EPB41L4A: variants seen among roughly 807,000 people sequenced by gnomAD.
EPB41L4A encodes the protein band 4.1-like protein 4A.
In EPB41L4A, 100 loss-of-function variants were observed where a neutral mutation model predicts 108.6. That is an observed-to-expected ratio of 0.92 (90% CI 0.78 to 1.09). The LOEUF (loss-of-function observed/expected upper bound fraction) is 1.09. EPB41L4A is among the 50% of genes least tolerant of loss of function. The probability of loss-of-function intolerance (pLI) is 0.00; values close to 1 mark genes in which losing one functional copy is unlikely to be tolerated. For missense variants in EPB41L4A, 1,030 were observed against 842.7 expected, an observed-to-expected ratio of 1.22 and a Z score of -2.75; for synonymous variants, 319 against 289.0, an observed-to-expected ratio of 1.10 and a Z score of -1.05.
At chr5:112,315,193 T>C (rs1466855906) in intron 1 of EPB41L4A, among the ~76,000 whole-genome samples, 1 of 152,128 alleles carries the variant, frequency 6.6e-6, no homozygotes, top group Non-Finnish European at 1.5e-5. Context: ...GTCCAAATCC[T>C]CTCAATCTCA....
intron 1 of EPB41L4A, among the ~76,000 whole-genome samples, chr5:112,364,076 G>A (rs1327785984): frequency 6.6e-6 from 1 of 152,186 alleles, no homozygotes; most frequent in African/African-American, 2.4e-5. Flanking sequence ...TGCCCAGGCT[G>A]GAGTGCAGTG....
intron 1 of EPB41L4A, among the ~76,000 whole-genome samples, chr5:112,409,188 T>C (rs927081688): frequency 7.9e-5 from 12 of 152,196 alleles, no homozygotes; most frequent in African/African-American, 2.9e-4. Context: ...ACATTGTGAA[T>C]GAATCTTGAA....
intron 12 of EPB41L4A, among the ~76,000 whole-genome samples, chr5:112,210,888 A>G (rs1194791434): frequency 6.6e-6 from 1 of 151,834 alleles, no homozygotes; most frequent in Non-Finnish European, 1.5e-5. Context: ...CCTCGGAGCT[A>G]CTCCTGCAGG....
intron 1 of EPB41L4A, among the ~76,000 whole-genome samples, chr5:112,331,365 G>A (rs1264079026): frequency 6.6e-6 from 1 of 152,162 alleles, no homozygotes; most frequent in Non-Finnish European, 1.5e-5. Flanking sequence ...GAGAAGTGTT[G>A]ACCATGCTAT....
chr5:112,356,083 T>C (rs746376362), intron 1 of EPB41L4A, among the ~76,000 whole-genome samples: 1 of 152,168 alleles, frequency 6.6e-6, no homozygotes, highest in Non-Finnish European at 1.5e-5. Flanking sequence ...TTATGTTAAA[T>C]TTTGGAAGGG....
At chr5:112,159,829 TATTG>T (rs984832500), downstream of EPB41L4A, among the ~76,000 whole-genome samples, 3 of 152,134 alleles carry the variant, frequency 2.0e-5, no homozygotes, top group Admixed American at 6.5e-5. Flanking sequence ...AATAATCTCA[TATTG>T]ATTGCCTGTT....
chr5:112,205,776 G>A (rs1045083126), intron 13 of EPB41L4A, among the ~76,000 whole-genome samples: 1 of 152,090 alleles, frequency 6.6e-6, no homozygotes, highest in Non-Finnish European at 1.5e-5. Context: ...AAACTCTAGA[G>A]TCCACCTGCA....
chr5:112,371,845 G>A (rs1343255801), intron 1 of EPB41L4A, among the ~76,000 whole-genome samples: 1 of 152,114 alleles, frequency 6.6e-6, no homozygotes, highest in African/African-American at 2.4e-5. Flanking sequence ...AGGCCAGATT[G>A]GGTTAAGTCA....
intron 1 of EPB41L4A, among the ~76,000 whole-genome samples, chr5:112,371,632 TGG>T (rs1759503912): frequency 6.6e-6 from 1 of 152,140 alleles, no homozygotes; most frequent in African/African-American, 2.4e-5. Context: ...TTGTCCAAAG[TGG>T]CAAGACTGTC....
At chr5:112,220,393 C>T (rs1407028683) in intron 12 of EPB41L4A, among the ~76,000 whole-genome samples, 1 of 152,086 alleles carries the variant, frequency 6.6e-6, no homozygotes, top group Non-Finnish European at 1.5e-5. Context: ...TTCCCAATAC[C>T]AACCCCAAGA....
At chr5:112,282,333 A>C (rs1009599686) in intron 2 of EPB41L4A, among the ~76,000 whole-genome samples, 1 of 152,234 alleles carries the variant, frequency 6.6e-6, no homozygotes, top group South Asian at 2.1e-4. Flanking sequence ...CTTGCCATTC[A>C]TGTTAAACAA....
intron 1 of EPB41L4A, among the ~76,000 whole-genome samples, chr5:112,410,350 C>T (rs563932578): frequency 1.3e-5 from 2 of 152,110 alleles, no homozygotes; most frequent in Non-Finnish European, 2.9e-5. Context: ...GTATTCTAGG[C>T]AGGAGGCAAG....
intron 1 of EPB41L4A, among the ~76,000 whole-genome samples, chr5:112,417,336 G>A (rs1335419811): frequency 1.3e-5 from 2 of 152,210 alleles, no homozygotes; most frequent in Non-Finnish European, 2.9e-5. Flanking sequence ...TAAATAGGAA[G>A]CTCACATTCC....
chr5:112,294,660 T>C (rs1753878844), intron 2 of EPB41L4A, among the ~76,000 whole-genome samples: 1 of 150,650 alleles, frequency 6.6e-6, no homozygotes. Flanking sequence ...AAGAAGGGTG[T>C]TCAGGCAGGG....
Position 112,358,045 on chromosome 5 carries a change from A to C in EPB41L4A, c.100-50555T>G, listed in dbSNP as rs575016167. Among the ~76,000 whole-genome samples the C allele has an allele frequency of 6.0e-4, 92 of 152,182 alleles. 3 individuals are homozygous for C. In the South Asian group the frequency reaches 0.019, roughly 31 times the overall value. ...AGGCTACATACGGACTCAGCAAAGG[A>C]CTTCTTCTCATGAACGCTGACCTGG... On this transcript the variant is annotated intron_variant, in intron 1 of 22. Transcript: ENST00000261486.
At chr5:112,348,843 A>G (rs1238348586) in intron 1 of EPB41L4A, among the ~76,000 whole-genome samples, 2 of 152,216 alleles carry the variant, frequency 1.3e-5, no homozygotes, top group Non-Finnish European at 2.9e-5. Context: ...ATCCCATTCA[A>G]TACTGTTACT....
intron 2 of EPB41L4A, among the ~76,000 whole-genome samples, chr5:112,293,973 A>G (rs1753824163): frequency 6.6e-6 from 1 of 152,206 alleles, no homozygotes; most frequent in Admixed American, 6.5e-5. Flanking sequence ...TTTTAAAATC[A>G]TGGGATCCAC....
At position 112,194,698 on chromosome 5, in the gene EPB41L4A, A is replaced by G. The variant is rs1008631383; in HGVS notation, c.1425-53T>C. ...AAAAAACACACATTTATAACTCACG[A>G]ACAATTTCAGAAAGGTTTATATGGG... On this transcript the variant is annotated intron_variant, in intron 16 of 22. Transcript: ENST00000261486. 5 of 1,309,720 alleles carry G rather than the reference A, an allele frequency of 3.8e-6. No individual in the cohort carries two copies. The African/African-American group carries it at 7.5e-5, about 20-fold the overall frequency. The allele number at this position is 1,309,720 out of a possible 1,614,324, so 81.1% of individuals were successfully genotyped here.
chr5:112,143,960 G>T (rs1465865407), intron 13 of EPB41L4A: 2 of 426,882 alleles, frequency 4.7e-6, no homozygotes, highest in Non-Finnish European at 9.6e-6. Flanking sequence ...AATAAATTAT[G>T]CTATGGCCAC....
Sources: allele counts gnomAD v4.1 joint callset (sites outside exome capture counted in the v4.1 genomes callset), GRCh38; gene constraint gnomAD v4.1.1; transcripts MANE v1.5; gene names NCBI Gene and HGNC (gene_info 2026-07-23, HGNC 2026-07-21).